TEX9: variants seen among roughly 807,000 people sequenced by gnomAD.
TEX9 encodes testis-expressed protein 9.
In TEX9, 74 loss-of-function variants were observed where a neutral mutation model predicts 59.6. The observed-to-expected ratio is 1.24, with a 90% CI of 1.03 to 1.51. TEX9 has a LOEUF of 1.51. Among genes scored for constraint, TEX9 ranks in the 40% most tolerant of loss-of-function variants. The pLI is 0.00. For synonymous variants in TEX9, 186 were observed against 152.2 expected (o/e 1.22, Z -1.64); for missense variants, 522 against 447.8 (o/e 1.17, Z -1.49).
In TEX9 at chr15:56,438,939, G is replaced by C. The variant is rs543077899; in HGVS notation, c.*30-6732G>C. On this transcript the variant is annotated intron_variant, in intron 12 of 12. Coordinates refer to ENST00000352903, the Ensembl canonical transcript of TEX9. ...CTTCTTCAACATAGCACTAGCCAGT[G>C]GTGCTGGAAATTTTAGCCAGCATGT... 4.6e-4 allele frequency among the ~76,000 whole-genome samples: 70 copies of C among 152,104 alleles called. No individual in the cohort carries two copies. The Middle Eastern group carries it at 0.014, about 30-fold the overall frequency.
rs567837586 is a variant in TEX9, at chr15:56,418,767, A to G, written c.963+6331A>G. ...CAACACCTAGATAATTATCGAATTTAGATAATCTATCAAAGCTAAGGTGCA... is the reference window on the plus strand; with the variant it reads ...CAACACCTAGATAATTATCGAATTTGGATAATCTATCAAAGCTAAGGTGCA... On this transcript the variant is annotated intron_variant, in intron 10 of 12. Coordinates refer to ENST00000352903, the Ensembl canonical transcript of TEX9. Among the ~76,000 whole-genome samples, 169 of 152,138 alleles carry G rather than the reference A, an allele frequency of 1.1e-3. 3 individuals carry two copies. Among genetic ancestry groups the G allele is most frequent in the African/African-American group, 3.7e-3 (154 of 41,388 alleles).
At chr15:56,455,702 C>G in the TEX9 span, among the ~76,000 whole-genome samples, 4 of 152,124 alleles carry the variant, frequency 2.6e-5, no homozygotes, top group African/African-American at 7.2e-5. Context: ...GTCCTGTCAT[C>G]TGGAGTATCT....
At chr15:56,389,283 C>T in intron 5 of TEX9, 35 bp from the exon 6 acceptor site, 1 of 1,531,456 alleles carries the variant, frequency 6.5e-7, no homozygotes, top group Non-Finnish European at 9.0e-7. Flanking sequence ...TGATTAGACT[C>T]TAATTAGTCA....
intron 1 of TEX9, among the ~76,000 whole-genome samples, chr15:56,317,015 A>T (rs1216711381): frequency 6.6e-6 from 1 of 152,190 alleles, no homozygotes; most frequent in African/African-American, 2.4e-5. Context: ...CTGCTCGCGC[A>T]GGGTGCGCGC....
intron 9 of TEX9, among the ~76,000 whole-genome samples, chr15:56,402,309 C>T (rs2048834930): frequency 6.6e-6 from 1 of 152,034 alleles, no homozygotes; most frequent in South Asian, 2.1e-4. Context: ...GGGGATATCG[C>T]CACGGATCCC....
At chr15:56,390,441 C>T (rs554895505) in intron 6 of TEX9, among the ~76,000 whole-genome samples, 4 of 152,150 alleles carry the variant, frequency 2.6e-5, no homozygotes, top group African/African-American at 9.6e-5. Flanking sequence ...TGTATCAAAA[C>T]ATCTCATGTA....
chr15:56,388,336 CAT>C (rs1450211445), intron 4 of TEX9, 134 bp from the exon 5 acceptor site: 17 of 622,028 alleles, frequency 2.7e-5, no homozygotes, highest in African/African-American at 5.5e-5. Context: ...AATAAATTAA[CAT>C]GTGGGTAACT....
the TEX9 span, among the ~76,000 whole-genome samples, chr15:56,460,009 A>AAAT: frequency 4.5e-4 from 12 of 26,390 alleles, 3 homozygotes; most frequent in Non-Finnish European, 7.7e-4. Flanking sequence ...AAAAAAAAAA[A>AAAT]ATACATATAT....
chr15:56,250,464 C>T (rs2043988573), intron 1 of TEX9, among the ~76,000 whole-genome samples: 1 of 152,104 alleles, frequency 6.6e-6, no homozygotes, highest in Non-Finnish European at 1.5e-5. Context: ...TGACAAGACA[C>T]ACAGAAGACT....
At chr15:56,460,003 A>ATATATATAT in the TEX9 span, among the ~76,000 whole-genome samples, 1 of 32,858 alleles carries the variant, frequency 3.0e-5, no homozygotes, top group African/African-American at 1.1e-4. Context: ...AAAAAAAAAA[A>ATATATATAT]AAAAAAATAC....
rs138325430 is a variant in TEX9, at chr15:56,317,301, T to A, written c.-106-56140T>A. On this transcript the variant is annotated intron_variant, in intron 1 of 5. Coordinates refer to the TEX9 transcript ENST00000560827. ...TTTCTAGGAATATACTCATTTCATC[T>A]AGGCTACTGAGTTCATTGGCAAACA... Among the ~76,000 whole-genome samples the A allele has an allele frequency of 2.7e-3, 415 of 152,362 alleles. 4 individuals carry two copies. Among genetic ancestry groups the A allele is most frequent in the African/African-American group, 9.5e-3 (395 of 41,584 alleles).
At chr15:56,439,678 AT>A (rs2050785708) in intron 12 of TEX9, among the ~76,000 whole-genome samples, 1 of 151,992 alleles carries the variant, frequency 6.6e-6, no homozygotes, top group Admixed American at 6.6e-5. Flanking sequence ...CAAAAACTGT[AT>A]TTAAGTCTCA....
chr15:56,441,902 C>G (rs1596260408), intron 12 of TEX9, among the ~76,000 whole-genome samples: 1 of 152,022 alleles, frequency 6.6e-6, no homozygotes, highest in Non-Finnish European at 1.5e-5. Flanking sequence ...TGCCTGTAGT[C>G]CCAGCTACTT....
chr15:56,434,426 A>G, intron 12 of TEX9: 1 of 1,580,724 alleles, frequency 6.3e-7, no homozygotes, highest in Non-Finnish European at 8.6e-7. Context: ...TTAATTTAGT[A>G]ACTATTTCCT....
At chr15:56,452,808 G>A in the TEX9 span, among the ~76,000 whole-genome samples, 1 of 151,982 alleles carries the variant, frequency 6.6e-6, no homozygotes, top group Non-Finnish European at 1.5e-5. Flanking sequence ...ATGAGCCACC[G>A]CACCCGGCCT....
chr15:56,438,449 A>G (rs1318938976), intron 12 of TEX9, among the ~76,000 whole-genome samples: 1 of 152,154 alleles, frequency 6.6e-6, no homozygotes, highest in Non-Finnish European at 1.5e-5. Context: ...ATAGGTAGAA[A>G]GCTGAAACTG....
At chr15:56,425,227 A>G (rs1369878429) in intron 10 of TEX9, among the ~76,000 whole-genome samples, 3 of 152,118 alleles carry the variant, frequency 2.0e-5, no homozygotes, top group African/African-American at 7.2e-5. Flanking sequence ...CTCTGGGTTT[A>G]TCCTACTTGG....
Position 56,391,315 on chromosome 15 carries a change from C to G in TEX9, c.468C>G (p.Ser156=), listed in dbSNP as rs956194434. 2.5e-6 allele frequency: 4 copies of G among 1,605,598 alleles called. No homozygotes were observed. In the East Asian group the frequency reaches 9.0e-5, roughly 36 times the overall value. Reference sequence around the variant, plus strand: ...TTCCAGAGGATTTCTCAGACTTTTCCCTTGCAAAAACAATTAGCAAAATTG... The same window carrying G: ...TTCCAGAGGATTTCTCAGACTTTTCGCTTGCAAAAACAATTAGCAAAATTG... The change falls in exon 7 of 13, where the codon TCC becomes TCG. Residue 156 remains serine, a synonymous_variant. Transcript: ENST00000352903.
intron 1 of TEX9, among the ~76,000 whole-genome samples, chr15:56,331,864 A>T (rs1203714296): frequency 1.4e-5 from 2 of 147,850 alleles, no homozygotes; most frequent in African/African-American, 5.0e-5. Context: ...AAAACACATG[A>T]AAAAATGCTC....
Sources: allele counts gnomAD v4.1 joint callset (sites outside exome capture counted in the v4.1 genomes callset), GRCh38; gene constraint gnomAD v4.1.1; transcripts MANE v1.5; gene names NCBI Gene and HGNC (gene_info 2026-07-23, HGNC 2026-07-21).